CLDN14: variants seen among roughly 807,000 people sequenced by gnomAD.
CLDN14 encodes claudin-14.
A neutral mutation model predicts 2.1 loss-of-function variants in CLDN14; 2 were observed. The ratio of observed to expected loss-of-function variants is 0.96; its 90% confidence interval spans 0.39 to 3.01. The LOEUF is 3.01. Among genes scored for constraint, CLDN14 ranks in the 30% most tolerant of loss-of-function variants. The pLI is 0.09. For missense variants in CLDN14, 298 were observed against 328.0 expected (o/e 0.91, Z 0.71); for synonymous variants, 136 against 154.4 (o/e 0.88, Z 0.88).
At chr21:36,525,398 AAAG>A (rs1164818863) in intron 1 of CLDN14, among the ~76,000 whole-genome samples, 32 of 151,460 alleles carry the variant, frequency 2.1e-4, no homozygotes, top group Admixed American at 1.4e-3. Flanking sequence ...ATGAAAAAAA[AAAG>A]AAATAAAGAC....
intron 1 of CLDN14, among the ~76,000 whole-genome samples, chr21:36,549,362 T>A (rs577933647): frequency 6.6e-6 from 1 of 152,010 alleles, no homozygotes; most frequent in East Asian, 1.9e-4. Flanking sequence ...GGTAGACATG[T>A]AAGAAAATGC....
chr21:36,534,309 G>A (rs2087406965), intron 1 of CLDN14, among the ~76,000 whole-genome samples: 1 of 152,078 alleles, frequency 6.6e-6, no homozygotes. Flanking sequence ...GCTTTTTAGG[G>A]GAGTCTCCGG....
chr21:36,460,946 C>T lies in CLDN14; in HGVS notation c.*30G>A, dbSNP rs781087324. On this transcript the variant is annotated 3_prime_UTR_variant, in exon 2 of 2. Transcript: ENST00000399135. This position sits in a 1 kb window ranked among gnomAD's most constrained non-coding sequence, Gnocchi z 4.0. ...GTCCCGCCGGGGACCCAGCCCACAG[C>T]AGCCCAGGGGAGAAGCAGGCTGTGG... 1.2e-6 allele frequency: 2 copies of T among 1,606,414 alleles called. No individual in the cohort carries two copies. Among genetic ancestry groups the T allele is most frequent in the African/African-American group, 2.7e-5 (2 of 74,900 alleles).
chr21:36,556,689 C>T (rs1437572034), intron 1 of CLDN14, among the ~76,000 whole-genome samples: 2 of 152,194 alleles, frequency 1.3e-5, no homozygotes, highest in Non-Finnish European at 2.9e-5. Context: ...TTCTCCGTGT[C>T]CACAGCTGTC....
intron 1 of CLDN14, among the ~76,000 whole-genome samples, chr21:36,514,322 G>A (rs1601618940): frequency 6.6e-6 from 1 of 152,182 alleles, no homozygotes; most frequent in East Asian, 1.9e-4. Flanking sequence ...GCTGGAGTTG[G>A]GACAGTGGCC....
At chr21:36,533,128 G>A (rs2087393948) in intron 1 of CLDN14, among the ~76,000 whole-genome samples, 1 of 152,174 alleles carries the variant, frequency 6.6e-6, no homozygotes, top group African/African-American at 2.4e-5. Flanking sequence ...AAACACATTC[G>A]GTGGGGCCGG....
chr21:36,469,679 G>A (rs911063360), intron 1 of CLDN14, among the ~76,000 whole-genome samples: 2 of 152,136 alleles, frequency 1.3e-5, no homozygotes, highest in South Asian at 4.1e-4. Flanking sequence ...GCTAACAGAG[G>A]CTATTTTCAA....
At chr21:36,566,836 C>A (rs957265487) in intron 1 of CLDN14, among the ~76,000 whole-genome samples, 1 of 152,178 alleles carries the variant, frequency 6.6e-6, no homozygotes, top group Non-Finnish European at 1.5e-5. Context: ...CTCAGCAGGC[C>A]CTGATTGCTG....
intron 1 of CLDN14, among the ~76,000 whole-genome samples, chr21:36,550,658 C>T (rs2087557430): frequency 6.6e-6 from 1 of 152,150 alleles, no homozygotes; most frequent in South Asian, 2.1e-4. Flanking sequence ...ATCTTAGGTC[C>T]GGGAACTCCT....
At position 36,464,255 on chromosome 21, in the gene CLDN14, C is replaced by T. The variant is rs909600476; in HGVS notation, c.-81-2479G>A. Among the ~76,000 whole-genome samples, 3 of 152,188 alleles carry T rather than the reference C, an allele frequency of 2.0e-5. No homozygotes were observed. In the East Asian group the frequency reaches 5.8e-4, roughly 29 times the overall value. On this transcript the variant is annotated intron_variant, in intron 1 of 1. Coordinates refer to ENST00000399135, the MANE Select transcript of CLDN14 (RefSeq NM_001146079.2). ...CGTGATTGTAAGTTTCCTAAGGCCT[C>T]CCCAGCCACGCTTCCTGTACAGCTT...
chr21:36,539,348 GTGTGGAGTGAGTGTA>G (rs1388897286), intron 1 of CLDN14, among the ~76,000 whole-genome samples: 37 of 151,560 alleles, frequency 2.4e-4, no homozygotes, highest in Non-Finnish European at 4.3e-4. Flanking sequence ...GAGTGAGTGT[GTGTGGAGTGAGTGTA>G]TGTGCGGAGT....
At chr21:36,562,032 T>C (rs1157824134) in intron 1 of CLDN14, among the ~76,000 whole-genome samples, 1 of 145,146 alleles carries the variant, frequency 6.9e-6, no homozygotes, top group Non-Finnish European at 1.5e-5. Context: ...TTTCTCTGCA[T>C]TCCTTCTGCA....
upstream of CLDN14, among the ~76,000 whole-genome samples, chr21:36,482,415 T>TAGAC (rs879694478): frequency 0.16 from 8,991 of 57,690 alleles, 343 homozygotes; most frequent in East Asian, 0.29. Context: ...GATAGACGGA[T>TAGAC]GGATGGATGG....
chr21:36,512,150 C>T (rs943106251), intron 1 of CLDN14, among the ~76,000 whole-genome samples: 1 of 152,116 alleles, frequency 6.6e-6, no homozygotes, highest in Non-Finnish European at 1.5e-5. Context: ...ATGACTAGCT[C>T]AGGGAGAGGG....
chr21:36,480,586 T>A (rs577045128), upstream of CLDN14: 45 of 152,246 alleles, frequency 3.0e-4, no homozygotes, highest in African/African-American at 1.1e-3. Context: ...TGGGAATGTG[T>A]AGCCAAAAGC....
chr21:36,483,436 C>T (rs2086866698), upstream of CLDN14, among the ~76,000 whole-genome samples: 2 of 152,242 alleles, frequency 1.3e-5, no homozygotes, highest in Admixed American at 6.5e-5. Flanking sequence ...GAATGGGCCT[C>T]AGAAAGTTCC....
chr21:36,554,990 A>G (rs1699646325), intron 1 of CLDN14, among the ~76,000 whole-genome samples: 1 of 152,218 alleles, frequency 6.6e-6, no homozygotes, highest in South Asian at 2.1e-4. Flanking sequence ...AACACACTGC[A>G]GGGTCCCCTG....
chr21:36,575,232 A>G (rs1180574745), intron 1 of CLDN14, among the ~76,000 whole-genome samples: 2 of 152,142 alleles, frequency 1.3e-5, no homozygotes, highest in African/African-American at 2.4e-5. Context: ...TCTTGGTTCT[A>G]TCGGCTCTAA....
intron 1 of CLDN14, among the ~76,000 whole-genome samples, chr21:36,533,531 G>A (rs982896829): frequency 5.3e-5 from 8 of 152,142 alleles, no homozygotes; most frequent in Non-Finnish European, 1.2e-4. Context: ...TGGTGATTAC[G>A]TAGACATTGT....
Sources: allele counts gnomAD v4.1 joint callset (sites outside exome capture counted in the v4.1 genomes callset), GRCh38; gene constraint gnomAD v4.1.1; non-coding constraint Gnocchi (gnomAD v3.1); transcripts MANE v1.5; gene names NCBI Gene and HGNC (gene_info 2026-07-23, HGNC 2026-07-21).